Variants in PSD3 observed in about 807,000 individuals in gnomAD.
PSD3 encodes the protein pleckstrin and Sec7 domain containing 3.
PSD3 carries 49 observed loss-of-function variants against 105.5 expected under a neutral mutation model. The observed-to-expected ratio is 0.46, with a 90% CI of 0.37 to 0.59. The LOEUF is 0.59. Among genes scored for constraint, PSD3 ranks in the 20% least tolerant of loss-of-function variants. PSD3 has a pLI of 0.00. For missense variants in PSD3, 1,561 were observed against 1,263.8 expected, an observed-to-expected ratio of 1.24 and a Z score of -3.57; for synonymous variants, 557 against 457.8, an observed-to-expected ratio of 1.22 and a Z score of -2.77.
intron 11 of PSD3, among the ~76,000 whole-genome samples, chr8:18,615,824 G>C (rs1369406399): frequency 6.6e-6 from 1 of 152,172 alleles, no homozygotes; most frequent in Admixed American, 6.5e-5. Context: ...CCAGAAGCCA[G>C]GGAAGGACAG....
At chr8:18,987,519 C>T (rs1825570909) in intron 1 of PSD3, among the ~76,000 whole-genome samples, 1 of 151,744 alleles carries the variant, frequency 6.6e-6, no homozygotes, top group Non-Finnish European at 1.5e-5. Context: ...GATCTCCTGA[C>T]CTCGTGATCC....
At chr8:18,551,150 C>G (rs6990849) in intron 15 of PSD3, among the ~76,000 whole-genome samples, 104,869 of 151,894 alleles carry the variant, frequency 0.69, 36,629 homozygotes, top group South Asian at 0.78. Context: ...CCTGTGAAAG[C>G]AAAAGTGACC....
chr8:18,915,797 T>TA (rs1203006306), intron 2 of PSD3, among the ~76,000 whole-genome samples: 2 of 151,926 alleles, frequency 1.3e-5, no homozygotes, highest in African/African-American at 4.8e-5. Context: ...GAAGTTCCTT[T>TA]AAAAAAATAA....
At chr8:18,711,931 G>A (rs1040432752) in intron 9 of PSD3, among the ~76,000 whole-genome samples, 18 of 151,966 alleles carry the variant, frequency 1.2e-4, no homozygotes, top group African/African-American at 2.7e-4. Flanking sequence ...ATAGTCTCTC[G>A]GACCACAGAG....
intron 1 of PSD3, among the ~76,000 whole-genome samples, chr8:18,966,723 C>A (rs143012264): frequency 6.6e-6 from 1 of 152,082 alleles, no homozygotes; most frequent in African/African-American, 2.4e-5. Flanking sequence ...CCCAGGAGGA[C>A]GCAACGTTTC....
chr8:18,822,064 T>G (rs1425162456), intron 4 of PSD3, among the ~76,000 whole-genome samples: 3 of 152,134 alleles, frequency 2.0e-5, no homozygotes, highest in African/African-American at 7.2e-5. Context: ...GAAAAAAAAT[T>G]TTCTTTGTTT....
At chr8:18,989,767 G>T (rs1229571977) in intron 1 of PSD3, among the ~76,000 whole-genome samples, 12 of 152,138 alleles carry the variant, frequency 7.9e-5, no homozygotes, top group African/African-American at 2.9e-4. Flanking sequence ...AGTGGGGTTT[G>T]GATCAACTTC....
chr8:18,908,529 G>A (rs1310800182), intron 2 of PSD3, among the ~76,000 whole-genome samples: 2 of 152,072 alleles, frequency 1.3e-5, no homozygotes, highest in Non-Finnish European at 2.9e-5. Flanking sequence ...ACCCTGCACT[G>A]CTTCTCCCCT....
chr8:18,711,475 C>T (rs2171443), intron 9 of PSD3, among the ~76,000 whole-genome samples: 141,300 of 152,250 alleles, frequency 0.93, 65,636 homozygotes, highest in Middle Eastern at 0.97. Flanking sequence ...GCAGGGGTCA[C>T]AATCATAGTT....
chr8:18,790,261 A>G (rs1424253490), intron 8 of PSD3, among the ~76,000 whole-genome samples: 1 of 151,976 alleles, frequency 6.6e-6, no homozygotes, highest in Non-Finnish European at 1.5e-5. Context: ...ATTTCAATTT[A>G]CAATTCATCA....
intron 1 of PSD3, among the ~76,000 whole-genome samples, chr8:19,052,966 C>T (rs959256028): frequency 9.2e-5 from 14 of 152,072 alleles, no homozygotes; most frequent in African/African-American, 1.7e-4. Flanking sequence ...TTCCCCACCT[C>T]GAGCCTTCAC....
intron 8 of PSD3, among the ~76,000 whole-genome samples, chr8:18,796,744 T>C (rs73595741): frequency 0.032 from 4,822 of 152,234 alleles, 259 homozygotes; most frequent in African/African-American, 0.11. Context: ...TTGGCACTTC[T>C]TAGAAAGATC....
rs1339197977 is a variant in PSD3, at chr8:18,844,655, C to T, written c.1634+23019G>A. Among the ~76,000 whole-genome samples the T allele has an allele frequency of 3.9e-5, 6 of 152,276 alleles. No homozygotes were observed. In the East Asian group the frequency reaches 1.2e-3, roughly 29 times the overall value. Reference sequence around the variant, plus strand: ...TTGTTTTCATTTCCAACCACAACCCCTACTCCACATTAAATAGGATGGATT... The same window carrying T: ...TTGTTTTCATTTCCAACCACAACCCTTACTCCACATTAAATAGGATGGATT... On this transcript the variant is annotated intron_variant, in intron 4 of 15. Coordinates refer to ENST00000327040, the MANE Select transcript of PSD3 (RefSeq NM_015310.4).
At chr8:18,831,367 C>T (rs1305960729) in intron 4 of PSD3, among the ~76,000 whole-genome samples, 2 of 152,182 alleles carry the variant, frequency 1.3e-5, no homozygotes, top group Non-Finnish European at 2.9e-5. Context: ...AGTAATTTCA[C>T]ATAAAATCAG....
At chr8:18,728,863 C>T (rs1803521748) in intron 9 of PSD3, among the ~76,000 whole-genome samples, 1 of 151,900 alleles carries the variant, frequency 6.6e-6, no homozygotes, top group African/African-American at 2.4e-5. Flanking sequence ...GAAAGGGAAG[C>T]TGGGAAGGGG....
intron 15 of PSD3, among the ~76,000 whole-genome samples, chr8:18,549,023 A>C (rs1800609347): frequency 6.6e-6 from 1 of 151,910 alleles, no homozygotes; most frequent in African/African-American, 2.4e-5. Flanking sequence ...GGAGCCAGAC[A>C]CTCACTCATT....
At chr8:18,628,977 G>A (rs182016473) in intron 11 of PSD3, among the ~76,000 whole-genome samples, 2 of 151,914 alleles carry the variant, frequency 1.3e-5, no homozygotes, top group African/African-American at 4.8e-5. Context: ...AATGGTATAG[G>A]CACTCTAATT....
At chr8:18,982,537 C>A (rs1825295154) in intron 1 of PSD3, among the ~76,000 whole-genome samples, 1 of 152,094 alleles carries the variant, frequency 6.6e-6, no homozygotes, top group Admixed American at 6.6e-5. Flanking sequence ...AAATATATTT[C>A]TTAAATAATA....
At chr8:18,892,549 G>A (rs1229417136) in intron 2 of PSD3, among the ~76,000 whole-genome samples, 1 of 151,234 alleles carries the variant, frequency 6.6e-6, no homozygotes, top group Non-Finnish European at 1.5e-5. Context: ...AACACACGAT[G>A]TATCATCAGT....
Sources: allele counts gnomAD v4.1 joint callset (sites outside exome capture counted in the v4.1 genomes callset), GRCh38; gene constraint gnomAD v4.1.1; transcripts MANE v1.5; gene names NCBI Gene and HGNC (gene_info 2026-07-23, HGNC 2026-07-21).